FLG: variants seen among roughly 807,000 people sequenced by gnomAD.
FLG encodes filaggrin, also known as epidermal filaggrin.
In FLG, 6 loss-of-function variants were observed where a neutral mutation model predicts 3.8. The observed-to-expected ratio is 1.60, with a 90% CI of 0.87 to 3.15. FLG has a LOEUF of 3.15. Among genes scored for constraint, FLG ranks in the 30% most tolerant of loss-of-function variants. The pLI is 0.00. For synonymous variants in FLG, 2,551 were observed against 1,931.6 expected (o/e 1.32, Z -8.41); for missense variants, 7,595 against 5,050.9 (o/e 1.50, Z -15.27).
In FLG at chr1:152,309,401, A is replaced by T. The variant is rs759893827; in HGVS notation, c.5485T>A (p.Tyr1829Asn). The change falls in exon 3 of 3, where the codon TAT becomes AAT. Residue 1829 changes from tyrosine (Y) to asparagine (N), a missense_variant. Tyr to Asn is a moderately radical substitution (Grantham distance 143, BLOSUM62 -2). Transcript: ENST00000368799. Reference protein sequence around the residue: ...SSRGGRQGSHYEQSVDSSGHS... With the variant: ...SSRGGRQGSHNEQSVDSSGHS... Reference sequence around the variant, plus strand: ...CCAGAACTATCTACCGATTGCTCATAGTGGGATCCCTGCCTTCCTCCTCTG... The same window carrying T: ...CCAGAACTATCTACCGATTGCTCATTGTGGGATCCCTGCCTTCCTCCTCTG... 42 of 1,612,476 alleles carry T rather than the reference A, an allele frequency of 2.6e-5. No individual in the cohort carries two copies. In the Admixed American group the frequency reaches 2.8e-4, roughly 11 times the overall value.
rs756397270 is a variant in FLG at position 152,312,337 on chromosome 1, C to G, written c.2549G>C (p.Arg850Thr). 7 of 1,612,702 alleles carry G rather than the reference C, an allele frequency of 4.3e-6. No homozygotes were observed. The highest frequency in any genetic ancestry group is 2.7e-5 in the African/African-American group (2 of 74,474). The change falls in exon 3 of 3, where the codon AGA (arginine) becomes ACA (threonine). Residue 850 changes from arginine to threonine, a missense_variant. Coordinates refer to ENST00000368799, the MANE Select transcript of FLG (RefSeq NM_002016.2). ...CTCGTGGTGGGACCCCTGCCTTCCT[C>G]TTCTGCTTGACCCCGGGTGTCCACG... ...TIRGHPGSSR[R>T]GRQGSHHEQS...
chr1:152,313,128 T>G lies in FLG; in HGVS notation c.1758A>C (p.Ser586=), dbSNP rs1263177887. ...CCTGAGAGGAAGCTTCATGATGACG[T>G]GACCCTGAGTGCCTGGTGCCGTCTC... The part of the protein sequence containing the change: ...QSGDGTRHSG[S]RHHEASSQAD... The change falls in exon 3 of 3, where the codon TCA becomes TCC. Residue 586 remains serine, a synonymous_variant. Transcript: ENST00000368799. The G allele has an allele frequency of 6.2e-7, 1 of 1,613,864 alleles. No homozygotes were observed. Among genetic ancestry groups the G allele is most frequent in the East Asian group, 2.2e-5 (1 of 44,816 alleles).
Position 152,309,801 on chromosome 1 carries a change from T to G in FLG, c.5085A>C (p.Ser1695=). The G allele has an allele frequency of 6.2e-7, 1 of 1,614,050 alleles. No individual in the cohort carries two copies. The highest frequency in any genetic ancestry group is 1.1e-5 in the South Asian group (1 of 91,066). Residue 1695 remains serine (S), a synonymous_variant, in exon 3 of 3, where the codon TCA becomes TCC. Transcript: ENST00000368799. ...ATGAATCTTGTCTGCGCCCAGTGCC[T>G]GAGTCTGTGGAGCTGTCTGCTGACT... ...HQQSADSSTD[S]GTGRRQDSSV... is the part of the protein sequence containing the mutation.
At position 152,303,562 on chromosome 1, in the gene FLG, T is replaced by C. The variant is rs1651732632; in HGVS notation, c.11324A>G (p.Glu3775Gly). 1 of 1,613,932 alleles carries C rather than the reference T, an allele frequency of 6.2e-7. No homozygotes were observed. ...GTGTCCAGACCTATCTACCGATTGC[T>C]CGTGGTAGGATCCCTGTCTTCCTCC... The part of the protein sequence containing the change: ...RRGGRQGSYH[E>G]QSVDRSGHSG... The change falls in exon 3 of 3, where the codon GAG becomes GGG. Residue 3775 changes from glutamate to glycine, a missense_variant. Transcript: ENST00000368799.
Position 152,308,623 on chromosome 1 carries a change from C to A in FLG, c.6263G>T (p.Gly2088Val), listed in dbSNP as rs1401127947. 1 of 1,614,058 alleles carries A rather than the reference C, an allele frequency of 6.2e-7. No individual in the cohort carries two copies. The highest frequency in any genetic ancestry group is 8.5e-7 in the Non-Finnish European group (1 of 1,179,994). The change falls in exon 3 of 3, where the codon GGG becomes GTG. Residue 2088 changes from glycine to valine, a missense_variant. Gly to Val is a moderately radical substitution (Grantham distance 109). Coordinates refer to ENST00000368799, the MANE Select transcript of FLG (RefSeq NM_002016.2). ...AGTGCTCACCTGGTAGAGGAAAGAC[C>A]CTGAACGTCCAGAGCTTTCCCCTGA... ...GQSGESSGRS[G>V]SFLYQVSTHE... is the part of the protein sequence containing the mutation.
At chr1:152,323,432 C>A (rs1243198622) in intron 1 of FLG, among the ~76,000 whole-genome samples, 1 of 151,502 alleles carries the variant, frequency 6.6e-6, no homozygotes, top group Non-Finnish European at 1.5e-5. Context: ...ATAAAAATAG[C>A]TTCTATAAAT....
Position 152,304,688 on chromosome 1 carries a change from G to C in FLG, c.10198C>G (p.His3400Asp). The C allele has an allele frequency of 6.2e-7, 1 of 1,612,878 alleles. No homozygotes were observed. Among genetic ancestry groups the C allele is most frequent in the Non-Finnish European group, 8.5e-7 (1 of 1,179,584 alleles). The change falls in exon 3 of 3, where the codon CAT (histidine) becomes GAT (aspartate). Residue 3400 changes from histidine to aspartate, a missense_variant. By Grantham distance (81) the His-to-Asp change is moderately conservative (BLOSUM62 -1). Coordinates refer to ENST00000368799, the MANE Select transcript of FLG (RefSeq NM_002016.2). ...CCAGTGCTGGTCCTGGTCCGCCCATGGGCAGACTCAGACTGTTCATGAGTG... is the reference window on the plus strand; with the variant it reads ...CCAGTGCTGGTCCTGGTCCGCCCATCGGCAGACTCAGACTGTTCATGAGTG... Reference protein sequence around the residue: ...VSTHEQSESAHGRTRTSTGRR... With the variant: ...VSTHEQSESADGRTRTSTGRR...
intron 1 of FLG, among the ~76,000 whole-genome samples, chr1:152,320,198 A>G (rs999605565): frequency 1.7e-4 from 25 of 151,258 alleles, no homozygotes. Context: ...AAAAAAGTCA[A>G]GAATAGAAAA....
In FLG at chr1:152,311,197, G is replaced by A. The variant is rs1356333752; in HGVS notation, c.3689C>T (p.Ser1230Phe). 4 of 1,613,674 alleles carry A rather than the reference G, an allele frequency of 2.5e-6. No homozygotes were observed. Among genetic ancestry groups the A allele is most frequent in the Non-Finnish European group, 3.4e-6 (4 of 1,179,970 alleles). The change falls in exon 3 of 3, where the codon TCC (serine) becomes TTC (phenylalanine). Residue 1230 changes from serine (S) to phenylalanine (F), a missense_variant. Coordinates refer to ENST00000368799, the MANE Select transcript of FLG (RefSeq NM_002016.2). ...TRKDKQSGDG[S>F]RHSGSRHHEA... is the part of the protein sequence containing the mutation. Reference sequence around the variant, plus strand: ...ATGGTGACGTGACCCTGAGTGCCTGGAGCCGTCTCCTGATTGTTTGTCCTT... The same window carrying A: ...ATGGTGACGTGACCCTGAGTGCCTGAAGCCGTCTCCTGATTGTTTGTCCTT...
In FLG at chr1:152,302,720, T is replaced by C. The variant is rs2101634288; in HGVS notation, c.12166A>G (p.Arg4056Gly). 3 of 1,613,668 alleles carry C rather than the reference T, an allele frequency of 1.9e-6. No homozygotes were observed. The highest frequency in any genetic ancestry group is 2.5e-6 in the Non-Finnish European group (3 of 1,179,580). The change falls in exon 3 of 3, where the codon AGA (arginine) becomes GGA (glycine). Residue 4056 changes from arginine (R) to glycine (G), a missense_variant. Physicochemically the swap from Arg to Gly is moderately radical, Grantham distance 125 (BLOSUM62 -2). Transcript: ENST00000368799. The stretch of plus-strand genomic sequence containing the variant: ...ATTTCTTACTCATAGTAATAGTATC[T>C]CTGTGACTGACTAAATCCCAGTTGT... ...SKQLGFSQSQ[R>G]YYYYE
In FLG at chr1:152,313,224, C is replaced by A. The variant is rs760876767; in HGVS notation, c.1662G>T (p.Arg554Ser). Reference protein sequence around the residue: ...SHHSHTTSQGRSDASHGQSGS... With the variant: ...SHHSHTTSQGSSDASHGQSGS... ...CTGACTGCCCATGGGAGGCATCAGA[C>A]CTTCCCTGGGATGTGGTGTGGCTGT... is the stretch of plus-strand genomic sequence containing the variant. The change falls in exon 3 of 3, where the codon AGG becomes AGT. Residue 554 changes from arginine to serine, a missense_variant. Coordinates refer to ENST00000368799, the MANE Select transcript of FLG (RefSeq NM_002016.2). 11 of 1,613,868 alleles carry A rather than the reference C, an allele frequency of 6.8e-6. No individual in the cohort carries two copies. Among genetic ancestry groups the A allele is most frequent in the South Asian group, 1.1e-5 (1 of 91,054 alleles).
chr1:152,305,162 A>G lies in FLG; in HGVS notation c.9724T>C (p.Ser3242Pro), dbSNP rs1304976821. 6.2e-7 allele frequency: 1 copy of G among 1,613,596 alleles called. No homozygotes were observed. The highest frequency in any genetic ancestry group is 8.5e-7 in the Non-Finnish European group (1 of 1,179,944). Residue 3242 changes from serine to proline, a missense_variant, in exon 3 of 3, where the codon TCT becomes CCT. Ser to Pro is a moderately conservative substitution (Grantham distance 74). Coordinates refer to ENST00000368799, the MANE Select transcript of FLG (RefSeq NM_002016.2). ...SGSASRNHRG[S>P]VQEQSRHGSR... ...CCGTGCCTTGACTGCTCCTGAACAG[A>G]TCCACGATGGTTTCTGGAAGCAGAC...
Position 152,302,870 on chromosome 1 carries a change from C to T in FLG, c.12016G>A (p.Val4006Ile). The T allele has an allele frequency of 6.2e-7, 1 of 1,614,138 alleles. No homozygotes were observed. The highest frequency in any genetic ancestry group is 1.3e-5 in the African/African-American group (1 of 75,038). Residue 4006 changes from valine to isoleucine, a missense_variant, in exon 3 of 3, where the codon GTT (valine) becomes ATT (isoleucine). Coordinates refer to ENST00000368799, the MANE Select transcript of FLG (RefSeq NM_002016.2). Reference sequence around the variant, plus strand: ...ATATCAGATCTTTCCTTGAAAACAACAGGATTGGAATTGTAACTAACACTT... The same window carrying T: ...ATATCAGATCTTTCCTTGAAAACAATAGGATTGGAATTGTAACTAACACTT... ...HGSVSYNSNPVVFKERSDICK... is the reference protein window; with the variant it reads ...HGSVSYNSNPIVFKERSDICK...
At position 152,307,862 on chromosome 1, in the gene FLG, T is replaced by C. The variant is rs753724010; in HGVS notation, c.7024A>G (p.Arg2342Gly). The C allele has an allele frequency of 1.0e-4, 164 of 1,612,978 alleles. No homozygotes were observed. The highest frequency in any genetic ancestry group is 1.3e-4 in the Non-Finnish European group (156 of 1,179,698). ...TGTCCGTGCCCAATGCCTGAGTGTC[T>C]GGAGCTGTCTGCTGACTGCTGGTGG... ...SHHQQSADSS[R>G]HSGIGHGQAS... The change falls in exon 3 of 3, where the codon AGA becomes GGA. Residue 2342 changes from arginine (R) to glycine (G), a missense_variant. By Grantham distance (125) the Arg-to-Gly change is moderately radical. Coordinates refer to ENST00000368799, the MANE Select transcript of FLG (RefSeq NM_002016.2).
Position 152,310,667 on chromosome 1 carries a change from T to G in FLG, c.4219A>C (p.Thr1407Pro). The change falls in exon 3 of 3, where the codon ACA becomes CCA. Residue 1407 changes from threonine to proline, a missense_variant. Transcript: ENST00000368799. ...NSEGHSEDSD[T>P]QSVSAHGQAG... ...TGTCCGTGGGCTGACACTGACTGTG[T>G]GTCTGAGTCTTCTGAATGTCCCTCA... The G allele has an allele frequency of 6.2e-7, 1 of 1,614,068 alleles. No homozygotes were observed. Among genetic ancestry groups the G allele is most frequent in the Non-Finnish European group, 8.5e-7 (1 of 1,179,998 alleles).
chr1:152,307,992 G>A lies in FLG; in HGVS notation c.6894C>T (p.Ser2298=). 3.1e-6 allele frequency: 5 copies of A among 1,614,184 alleles called. No individual in the cohort carries two copies. The highest frequency in any genetic ancestry group is 2.2e-5 in the East Asian group (1 of 44,880). Residue 2298 remains serine (S), a synonymous_variant, in exon 3 of 3, where the codon AGC becomes AGT. Coordinates refer to ENST00000368799, the MANE Select transcript of FLG (RefSeq NM_002016.2). ...DRAGHGHSAE[S]SRQSGTHHAE... is the part of the protein sequence containing the mutation. Reference sequence around the variant, plus strand: ...CATGATGAGTGCCTGATTGTCTGGAGCTCTCTGCAGAGTGCCCATGACCGG... The same window carrying A: ...CATGATGAGTGCCTGATTGTCTGGAACTCTCTGCAGAGTGCCCATGACCGG...
In FLG at chr1:152,311,484, G is replaced by A. The variant is rs755604534; in HGVS notation, c.3402C>T (p.Thr1134=). ...CTTGTCTTCGTCCAGTGCTGGTCCTGGTCCGCCCATGGGCAGACTCAGACT... is the reference window on the plus strand; with the variant it reads ...CTTGTCTTCGTCCAGTGCTGGTCCTAGTCCGCCCATGGGCAGACTCAGACT... The part of the protein sequence containing the change: ...HEQSESAHGR[T]RTSTGRRQGS... Residue 1134 remains threonine, a synonymous_variant, in exon 3 of 3, where the codon ACC becomes ACT. Transcript: ENST00000368799. 1.2e-6 allele frequency: 2 copies of A among 1,613,626 alleles called. No individual in the cohort carries two copies. The highest frequency in any genetic ancestry group is 3.3e-5 in the Admixed American group (2 of 59,992).
At position 152,303,828 on chromosome 1, in the gene FLG, C is replaced by G; in HGVS notation, c.11058G>C (p.Gly3686=). The G allele has an allele frequency of 6.2e-7, 1 of 1,613,702 alleles. No homozygotes were observed. The highest frequency in any genetic ancestry group is 8.5e-7 in the Non-Finnish European group (1 of 1,179,868). ...ACTCTTGGTGGCTCTGCTGATGGGG[C>G]CCAGCCTGTCCGTGGGCTGACACTG... ...TQSVSAHGQA[G]PHQQSHQEST... Residue 3686 remains glycine, a synonymous_variant, in exon 3 of 3, where the codon GGG becomes GGC. Coordinates refer to ENST00000368799, the MANE Select transcript of FLG (RefSeq NM_002016.2).
In FLG at chr1:152,313,019, G is replaced by C; in HGVS notation, c.1867C>G (p.Gln623Glu). The C allele has an allele frequency of 6.2e-7, 1 of 1,613,960 alleles. No individual in the cohort carries two copies. Among genetic ancestry groups the C allele is most frequent in the Non-Finnish European group, 8.5e-7 (1 of 1,180,018 alleles). The change falls in exon 3 of 3, where the codon CAG becomes GAG. Residue 623 changes from glutamine (Q) to glutamate (E), a missense_variant. Physicochemically the swap from Gln to Glu is conservative, Grantham distance 29. Transcript: ENST00000368799. Reference protein sequence around the residue: ...TSRNQGSSVSQDSDSQGHSED... With the variant: ...TSRNQGSSVSEDSDSQGHSED... ...GAGTGTCCCTGACTGTCACTGTCCT[G>C]GCTAACACTGGATCCCTGGTTCCTA...
Sources: gnomAD v4.1 joint callset for allele counts (sites outside exome capture counted in the v4.1 genomes callset) on GRCh38, gnomAD v4.1.1 for gene constraint, MANE v1.5 for transcripts, NCBI Gene and HGNC (gene_info 2026-07-23, HGNC 2026-07-21) for gene names.